The following PLCH2 variants were observed in gnomAD, a reference collection of about 807,000 sequenced individuals.
PLCH2 encodes the protein 1-phosphatidylinositol 4,5-bisphosphate phosphodiesterase eta-2.
A neutral mutation model predicts 134.7 loss-of-function variants in PLCH2; 98 were observed. The observed-to-expected ratio is 0.73, with a 90% CI of 0.62 to 0.86. PLCH2 has a LOEUF of 0.86. PLCH2 is among the 40% of genes least tolerant of loss of function. The probability of loss-of-function intolerance (pLI) is 0.00; values close to 1 mark genes in which losing one functional copy is unlikely to be tolerated. For synonymous variants in PLCH2, 974 were observed against 827.5 expected (o/e 1.18, Z -3.04); for missense variants, 1,994 against 1,986.6 (o/e 1.00, Z -0.07).
chr1:2,470,413 G>C (rs1458970555), intron 1 of PLCH2, among the ~76,000 whole-genome samples: 1 of 152,206 alleles, frequency 6.6e-6, no homozygotes, highest in Non-Finnish European at 1.5e-5. Context: ...GACTATACAA[G>C]ATCCCAGAAA....
chr1:2,453,568 C>T (rs1236847818), intron 2 of PLCH2, among the ~76,000 whole-genome samples: 1 of 152,190 alleles, frequency 6.6e-6, no homozygotes, highest in South Asian at 2.1e-4. Context: ...TCACAGGGCC[C>T]TGTGGCCTTT....
At chr1:2,497,712 G>C in intron 16 of PLCH2, 103 bp downstream of exon 16, 1 of 834,062 alleles carries the variant, frequency 1.2e-6, no homozygotes, top group Non-Finnish European at 1.9e-6. Context: ...GCAAGGGGGT[G>C]GGGGCGGCTT....
chr1:2,481,985 T>C (rs1558002240), intron 4 of PLCH2, among the ~76,000 whole-genome samples: 1 of 152,256 alleles, frequency 6.6e-6, no homozygotes, highest in Non-Finnish European at 1.5e-5. Context: ...AACACTTGGC[T>C]TGAGGCTAAT....
chr1:2,480,239 T>C lies in PLCH2; in HGVS notation c.572T>C (p.Ile191Thr), dbSNP rs756827538. The change falls in exon 4 of 22, where the codon ATT becomes ACT. Residue 191 changes from isoleucine (I) to threonine (T), a missense_variant. By Grantham distance (89) the Ile-to-Thr change is moderately conservative. Transcript: ENST00000378486. ...ADKNGDGSLS[I>T]GEVLQLLHKL... ...AAGAACGGGGATGGCAGCCTGAGCA[T>C]TGGCGAGGTCCTGCAGCTGCTGCAC... is the stretch of plus-strand genomic sequence containing the variant. The C allele has an allele frequency of 1.6e-5, 26 of 1,612,692 alleles. No individual in the cohort carries two copies. Among genetic ancestry groups the C allele is most frequent in the Admixed American group, 8.3e-5 (5 of 60,006 alleles).
At chr1:2,464,077 G>A (rs938814194), upstream of PLCH2, among the ~76,000 whole-genome samples, 5 of 152,262 alleles carry the variant, frequency 3.3e-5, no homozygotes, top group African/African-American at 1.2e-4. Context: ...TCGCTCGGCA[G>A]CTGGTTGCGG....
chr1:2,465,337 C>G (rs1219624756), upstream of PLCH2, among the ~76,000 whole-genome samples: 1 of 152,212 alleles, frequency 6.6e-6, no homozygotes, highest in Non-Finnish European at 1.5e-5. Context: ...AGACACAGCT[C>G]TGGGCCTACA....
intron 2 of PLCH2, among the ~76,000 whole-genome samples, chr1:2,447,421 C>G (rs930584320): frequency 1.3e-5 from 2 of 152,178 alleles, no homozygotes; most frequent in African/African-American, 4.8e-5. Flanking sequence ...GGCTCCCCCT[C>G]CCCTCCCCCA....
At chr1:2,494,727 C>T in intron 11 of PLCH2, 129 bp from the exon 12 acceptor site, 1 of 509,284 alleles carries the variant, frequency 2.0e-6, no homozygotes. Context: ...CTCCCGTCTG[C>T]CTTACTCCAG....
intron 2 of PLCH2, among the ~76,000 whole-genome samples, chr1:2,459,169 G>A (rs142631342): frequency 0.028 from 4,327 of 152,372 alleles, 109 homozygotes; most frequent in Non-Finnish European, 0.04. Flanking sequence ...GCTTCACTGG[G>A]CCTCCCGTTG....
At chr1:2,417,902 C>G in the PLCH2 span, among the ~76,000 whole-genome samples, 9 of 152,348 alleles carry the variant, frequency 5.9e-5, no homozygotes, top group East Asian at 1.7e-3. Context: ...AGGCCCCTGC[C>G]TCCCGGGTTA....
rs754322329 is a variant in PLCH2, at chr1:2,498,689, G to A, written c.2349+42G>A. The A allele has an allele frequency of 1.0e-5, 16 of 1,532,104 alleles. No homozygotes were observed. The South Asian group carries it at 1.9e-4, about 18-fold the overall frequency. 94.9% of individuals were successfully genotyped at this position (1,532,104 alleles called of 1,614,324 possible). A position where few individuals can be genotyped will look rare whatever the true frequency, so the allele number is the denominator to read the frequency against. The stretch of plus-strand genomic sequence containing the variant: ...CACAGGCGGGAGGGGTGGGAGTTGG[G>A]GGCGGGCCGGGCATCGCGATGGGCC... On this transcript the variant is annotated intron_variant, in intron 17 of 21. Coordinates refer to ENST00000378486, the MANE Select transcript of PLCH2 (RefSeq NM_014638.4). This position sits in a 1 kb window ranked among gnomAD's most constrained non-coding sequence, Gnocchi z 5.4.
At chr1:2,479,693 GC>G (rs1641845411) in intron 2 of PLCH2, 40 bp from the exon 3 acceptor site, 4 of 1,508,394 alleles carry the variant, frequency 2.7e-6, no homozygotes, top group Non-Finnish European at 3.6e-6. Context: ...GGGACGCTGG[GC>G]CCCCGGGGAC....
At position 2,478,467 on chromosome 1, in the gene PLCH2, C is replaced by T. The variant is rs373395342; in HGVS notation, c.125-9C>T. 47 of 1,612,390 alleles carry T rather than the reference C, an allele frequency of 2.9e-5. 1 individual carries two copies. Among genetic ancestry groups the T allele is most frequent in the African/African-American group, 4.0e-5 (3 of 74,916 alleles). ...CCTCCGCTGACAGCCGTGTCTCTCC[C>T]GTGTCCAGTGGAGCGGTGCATGGGT... On this transcript the variant is annotated splice_polypyrimidine_tract_variant and intron_variant, in intron 1 of 21. Transcript: ENST00000378486.
rs777334762 is a variant in PLCH2 at position 2,479,832 on chromosome 1, A to G, written c.370A>G (p.Ile124Val). The G allele has an allele frequency of 1.6e-5, 25 of 1,608,158 alleles. No homozygotes were observed. Among genetic ancestry groups the G allele is most frequent in the Admixed American group, 1.2e-4 (7 of 59,378 alleles). The change falls in exon 3 of 22, where the codon ATC (isoleucine) becomes GTC (valine). Residue 124 changes from isoleucine (I) to valine (V), a missense_variant. Transcript: ENST00000378486. ...CTTCGACCCCAACTGCTGCTTCAGC[A>G]TCTACCACGGCAGCCACCGCGAGTC... Reference protein sequence around the residue: ...GSFDPNCCFSIYHGSHRESLD... With the variant: ...GSFDPNCCFSVYHGSHRESLD...
At position 2,502,244 on chromosome 1, in the gene PLCH2, G is replaced by A. The variant is rs760388730; in HGVS notation, c.2794G>A (p.Ala932Thr). The change falls in exon 21 of 22, where the codon GCC (alanine) becomes ACC (threonine). Residue 932 changes from alanine to threonine, a missense_variant. By Grantham distance (58) the Ala-to-Thr change is moderately conservative. Around this residue, in one of 2 missense-constraint regions of PLCH2, gnomAD observed 900 missense variants for 752.3 expected, o/e 1.20. Transcript: ENST00000378486. ...GCGGATCCTGCGGCGCACGGCCAGC[G>A]CCCCGACCAAGAGCCAGAAGCCGGG... ...SQRILRRTAS[A>T]PTKSQKPGRR... 6 of 1,541,206 alleles carry A rather than the reference G, an allele frequency of 3.9e-6. No homozygotes were observed. The highest frequency in any genetic ancestry group is 4.9e-5 in the East Asian group (2 of 40,664).
intron 2 of PLCH2, among the ~76,000 whole-genome samples, chr1:2,435,594 G>T (rs1639290914): frequency 1.3e-5 from 2 of 152,114 alleles, no homozygotes; most frequent in African/African-American, 4.8e-5. Flanking sequence ...GGACAGAGGT[G>T]GGAATAGTTG....
upstream of PLCH2, among the ~76,000 whole-genome samples, chr1:2,424,646 T>A (rs533224985): frequency 6.6e-6 from 1 of 151,178 alleles, no homozygotes; most frequent in South Asian, 2.1e-4. Context: ...AGATCAGGAG[T>A]TTGAGACCAG....
In PLCH2 at chr1:2,489,340, C is replaced by A. The variant is rs753657268; in HGVS notation, c.1369C>A (p.Pro457Thr). The A allele has an allele frequency of 6.2e-7, 1 of 1,613,848 alleles. No individual in the cohort carries two copies. The highest frequency in any genetic ancestry group is 8.5e-7 in the Non-Finnish European group (1 of 1,179,886). Reference sequence around the variant, plus strand: ...GAGCAGTGAAGATGCCACCACACTCCCCTCTCCACAGATGCTCAAGGGCAA... The same window carrying A: ...GAGCAGTGAAGATGCCACCACACTCACCTCTCCACAGATGCTCAAGGGCAA... ...SVSSEDATTL[P>T]SPQMLKGKIL... The change falls in exon 9 of 22, where the codon CCC becomes ACC. Residue 457 changes from proline (P) to threonine (T), a missense_variant. By Grantham distance (38) the Pro-to-Thr change is conservative (BLOSUM62 -1). Around this residue, in one of 2 missense-constraint regions of PLCH2, gnomAD observed 1,094 missense variants for 1,234.3 expected, o/e 0.89. Coordinates refer to ENST00000378486, the MANE Select transcript of PLCH2 (RefSeq NM_014638.4).
chr1:2,477,192 G>C (rs1641679249), intron 1 of PLCH2, among the ~76,000 whole-genome samples: 2 of 152,110 alleles, frequency 1.3e-5, no homozygotes, highest in Non-Finnish European at 2.9e-5. Flanking sequence ...GTCCGGGCTG[G>C]CCTGCCAGCT....
Sources: gnomAD v4.1 joint callset for allele counts (sites outside exome capture counted in the v4.1 genomes callset) on GRCh38, gnomAD v4.1.1 for gene constraint, gnomAD v4.1.1 regional missense constraint, Gnocchi (gnomAD v3.1) non-coding constraint, MANE v1.5 for transcripts, NCBI Gene and HGNC (gene_info 2026-07-23, HGNC 2026-07-21) for gene names.